FRMD7: variants seen among roughly 807,000 people sequenced by gnomAD.
The protein encoded by FRMD7 is FERM domain containing 7, also known as FERM domain-containing protein 7.
A neutral mutation model predicts 44.1 loss-of-function variants in FRMD7; 14 were observed. The ratio of observed to expected loss-of-function variants is 0.32; its 90% confidence interval spans 0.21 to 0.50. FRMD7 has a LOEUF of 0.50. FRMD7 is among the 20% of genes least tolerant of loss of function. The pLI is 0.99. For synonymous variants in FRMD7, 212 were observed against 187.4 expected (o/e 1.13, Z -1.07); for missense variants, 501 against 522.3 (o/e 0.96, Z 0.40).
intron 1 of FRMD7, among the ~76,000 whole-genome samples, chrX:132,103,489 T>TATCTATCTATCTATCTATCC (rs1170757737): frequency 4.0e-3 from 35 of 8,774 alleles, no homozygotes; most frequent in African/African-American, 9.8e-3. Flanking sequence ...TTTAAATGTC[T>TATCTATCTATCTATCTATCC]ATCTATCTAT....
At chrX:132,079,227 A>G (rs904795897) in intron 11 of FRMD7, among the ~76,000 whole-genome samples, 11 of 112,195 alleles carry the variant, frequency 9.8e-5, no homozygotes, top group African/African-American at 3.6e-4. Context: ...TGTATACACT[A>G]CAAGCAGTTT....
chrX:132,115,030 A>G (rs1390424811), intron 1 of FRMD7, among the ~76,000 whole-genome samples: 1 of 112,316 alleles, frequency 8.9e-6, no homozygotes, highest in Non-Finnish European at 1.9e-5. Flanking sequence ...TGTCGTGCAC[A>G]CTGTAGGTGA....
chrX:132,078,257 G>A lies in FRMD7; in HGVS notation c.1760C>T (p.Pro587Leu). The A allele has an allele frequency of 8.3e-7, 1 of 1,211,329 alleles. No homozygotes were observed. The change falls in exon 12 of 12, where the codon CCT becomes CTT. Residue 587 changes from proline to leucine, a missense_variant. Around this residue, in one of 3 missense-constraint regions of FRMD7, gnomAD observed 453 missense variants for 452.7 expected, o/e 1.00. Transcript: ENST00000298542. ...GTCTGATTGGCTCTGGGACCTTTTA[G>A]GGGTTTGCTCTTGAATGTTACATAC... ...AFVCNIQEQT[P>L]KRSQSQSDMK...
intron 3 of FRMD7, among the ~76,000 whole-genome samples, chrX:132,097,981 G>T (rs1011658831): frequency 8.9e-6 from 1 of 112,252 alleles, no homozygotes; most frequent in Non-Finnish European, 1.9e-5. Flanking sequence ...AGAGCTCACT[G>T]TCTAGTAGAA....
At chrX:132,112,976 C>T (rs1029810574) in intron 1 of FRMD7, among the ~76,000 whole-genome samples, 2 of 111,254 alleles carry the variant, frequency 1.8e-5, no homozygotes, top group African/African-American at 6.5e-5. Flanking sequence ...CACTGCTCAG[C>T]GTTAACCTTC....
intron 4 of FRMD7, 132 bp downstream of exon 4, chrX:132,097,134 A>T: frequency 1.8e-6 from 1 of 565,752 alleles, no homozygotes; most frequent in East Asian, 3.3e-5. Flanking sequence ...CTCTCTCCAG[A>T]TCCTCACCAT....
At chrX:132,084,115 G>GA (rs59117887) in intron 8 of FRMD7, among the ~76,000 whole-genome samples, 1,648 of 111,717 alleles carry the variant, frequency 0.015, 30 homozygotes, top group East Asian at 0.096. Flanking sequence ...TTTGCTTAAG[G>GA]AAAGTAATTG....
intron 1 of FRMD7, among the ~76,000 whole-genome samples, chrX:132,104,776 G>A (rs1928602643): frequency 8.9e-6 from 1 of 112,164 alleles, no homozygotes; most frequent in African/African-American, 3.2e-5. Flanking sequence ...TGGCTAGTAG[G>A]TGACTCAAAT....
chrX:132,091,039 G>A (rs1303931079), intron 5 of FRMD7, among the ~76,000 whole-genome samples: 1 of 111,234 alleles, frequency 9.0e-6, no homozygotes, highest in Non-Finnish European at 1.9e-5. Flanking sequence ...TTCCTCTTGA[G>A]GTCTGTTTTC....
intron 5 of FRMD7, among the ~76,000 whole-genome samples, chrX:132,092,037 G>A (rs1928191909): frequency 9.0e-6 from 1 of 111,538 alleles, no homozygotes. Context: ...ATTTTCCCCC[G>A]CTGCCAAAAT....
intron 7 of FRMD7, 39 bp from the exon 8 acceptor site, chrX:132,084,624 CAA>C: frequency 1.2e-6 from 1 of 841,168 alleles, no homozygotes; most frequent in Non-Finnish European, 1.8e-6. Flanking sequence ...AATGTATTAA[CAA>C]GAGTTGGCTT....
At chrX:132,123,425 AG>A (rs767058395) in intron 1 of FRMD7, among the ~76,000 whole-genome samples, 5 of 112,116 alleles carry the variant, frequency 4.5e-5, no homozygotes, top group Non-Finnish European at 7.5e-5. Context: ...TCCCAAATCC[AG>A]GTACCTTCTA....
chrX:132,099,533 A>T (rs777099450), intron 2 of FRMD7, 23 bp from the exon 3 acceptor site: 1 of 1,162,785 alleles, frequency 8.6e-7, no homozygotes, highest in South Asian at 1.8e-5. Context: ...TAAGGAAAAA[A>T]TTGGTAGAGC....
chrX:132,089,890 A>G (rs780309105), intron 5 of FRMD7, among the ~76,000 whole-genome samples: 5 of 112,377 alleles, frequency 4.4e-5, no homozygotes, highest in Non-Finnish European at 9.4e-5. Flanking sequence ...TGTTATTGTA[A>G]CAATTTGAAT....
At chrX:132,089,043 T>C (rs548487022) in intron 5 of FRMD7, among the ~76,000 whole-genome samples, 1 of 112,119 alleles carries the variant, frequency 8.9e-6, no homozygotes, top group South Asian at 3.7e-4. Flanking sequence ...AACCAAACTA[T>C]TTTGAAAAAG....
intron 1 of FRMD7, among the ~76,000 whole-genome samples, chrX:132,120,884 C>T (rs971954576): frequency 8.9e-6 from 1 of 112,426 alleles, no homozygotes; most frequent in Non-Finnish European, 1.9e-5. Context: ...AAGGCATTCA[C>T]CAAGCAGTAT....
chrX:132,103,493 T>TATCTATCTATCTATCC (rs1422351967), intron 1 of FRMD7, among the ~76,000 whole-genome samples: 42 of 88,224 alleles, frequency 4.8e-4, no homozygotes, highest in African/African-American at 1.5e-3. Context: ...AATGTCTATC[T>TATCTATCTATCTATCC]ATCTATCTAT....
chrX:132,094,892 A>G (rs1928282260), intron 4 of FRMD7, among the ~76,000 whole-genome samples: 1 of 111,246 alleles, frequency 9.0e-6, no homozygotes, highest in Admixed American at 9.6e-5. Context: ...TCAGGGACCT[A>G]TGAAATGCAG....
Position 132,085,691 on chromosome X carries a change from C to T in FRMD7, c.535G>A (p.Asp179Asn), listed in dbSNP as rs965408450. 1 of 1,207,551 alleles carries T rather than the reference C, an allele frequency of 8.3e-7. No individual in the cohort carries two copies. Among genetic ancestry groups the T allele is most frequent in the African/African-American group, 1.8e-5 (1 of 57,117 alleles). Reference sequence around the variant, plus strand: ...TACATATCCAGCTTCCTTGCTATGTCCAGTAGCAGAATGTCAGATTCAGCT... The same window carrying T: ...TACATATCCAGCTTCCTTGCTATGTTCAGTAGCAGAATGTCAGATTCAGCT... The part of the protein sequence containing the change: ...SPAESDILLL[D>N]IARKLDMYGI... The change falls in exon 7 of 12, where the codon GAC (aspartate) becomes AAC (asparagine). Residue 179 changes from aspartate (D) to asparagine (N), a missense_variant. By Grantham distance (23) the Asp-to-Asn change is conservative. Around this residue, in one of 3 missense-constraint regions of FRMD7, gnomAD observed 453 missense variants for 452.7 expected, o/e 1.00. Transcript: ENST00000298542.
Sources: gnomAD v4.1 joint callset for allele counts (sites outside exome capture counted in the v4.1 genomes callset) on GRCh38, gnomAD v4.1.1 for gene constraint, gnomAD v4.1.1 regional missense constraint, MANE v1.5 for transcripts, NCBI Gene and HGNC (gene_info 2026-07-23, HGNC 2026-07-21) for gene names.